Variants in FCRL4 observed in about 807,000 individuals in gnomAD.
The protein encoded by FCRL4 is Fc receptor like 4.
Under a neutral mutation model 64.1 loss-of-function variants are expected in FCRL4, and 43 were observed. The ratio of observed to expected loss-of-function variants is 0.67; its 90% CI spans 0.53 to 0.87. The LOEUF is 0.87. Among genes scored for constraint, FCRL4 ranks in the 40% least tolerant of loss-of-function variants. The pLI is 0.00. For synonymous variants in FCRL4, 253 were observed against 239.8 expected (o/e 1.05, Z -0.51); for missense variants, 656 against 613.5 (o/e 1.07, Z -0.73).
At position 157,596,341 on chromosome 1, in the gene FCRL4, G is replaced by C; in HGVS notation, c.39C>G (p.Val13=). The part of the protein sequence containing the change: ...LWASLLAFAP[V]CGQSAAAHKP... ...ATAAGGACTTACCAGATTGTCCACAGACTGGAGCTGAAAGAGAGTAAAGAG... is the reference window on the plus strand; with the variant it reads ...ATAAGGACTTACCAGATTGTCCACACACTGGAGCTGAAAGAGAGTAAAGAG... The change falls in exon 2 of 12, where the codon GTC becomes GTG. Residue 13 remains valine (V), a synonymous_variant. Coordinates refer to ENST00000271532, the MANE Select transcript of FCRL4 (RefSeq NM_031282.3). 1 of 1,613,998 alleles carries C rather than the reference G, an allele frequency of 6.2e-7. No homozygotes were observed. The highest frequency in any genetic ancestry group is 8.5e-7 in the Non-Finnish European group (1 of 1,179,946).
chr1:157,594,349 G>T (rs1285355117), intron 2 of FCRL4, among the ~76,000 whole-genome samples: 2 of 152,192 alleles, frequency 1.3e-5, no homozygotes, highest in African/African-American at 4.8e-5. Context: ...CACACTGGGT[G>T]CTCTTTGACA....
chr1:157,590,969 T>C (rs1011366873), intron 2 of FCRL4, among the ~76,000 whole-genome samples: 2 of 152,172 alleles, frequency 1.3e-5, no homozygotes, highest in Non-Finnish European at 2.9e-5. Flanking sequence ...TTTATTAACA[T>C]GTACAAGGAA....
chr1:157,584,241 G>A (rs1485634922), intron 6 of FCRL4, among the ~76,000 whole-genome samples: 1 of 152,072 alleles, frequency 6.6e-6, no homozygotes, highest in African/African-American at 2.4e-5. Context: ...GTCTTTCGAG[G>A]GAGCCCTTGG....
rs761950047 is a variant in FCRL4 at position 157,581,613 on chromosome 1, G to A, written c.1167C>T (p.Ala389=). The A allele has an allele frequency of 8.7e-6, 14 of 1,613,910 alleles. No homozygotes were observed. The highest frequency in any genetic ancestry group is 5.3e-5 in the African/African-American group (4 of 74,926). ...ETPGNRDGLV[A]AGATGGLLSA... is the part of the protein sequence containing the mutation. ...TGAGCAGCCCTCCAGTGGCTCCCGC[G>A]GCGACAAGGCCATCTCTGTTGCCTG... is the stretch of plus-strand genomic sequence containing the variant. The change falls in exon 7 of 12, where the codon GCC becomes GCT. Residue 389 remains alanine, a synonymous_variant. Coordinates refer to ENST00000271532, the MANE Select transcript of FCRL4 (RefSeq NM_031282.3).
intron 6 of FCRL4, 70 bp from the exon 7 acceptor site, chr1:157,581,714 T>C: frequency 2.4e-6 from 3 of 1,246,938 alleles, no homozygotes; most frequent in Non-Finnish European, 3.5e-6. Flanking sequence ...TTCCTCAGCT[T>C]GGTTGGGTAA....
chr1:157,586,204 G>T lies in FCRL4; in HGVS notation c.1099C>A (p.Pro367Thr). The T allele has an allele frequency of 6.2e-7, 1 of 1,613,810 alleles. No homozygotes were observed. Among genetic ancestry groups the T allele is most frequent in the Non-Finnish European group, 8.5e-7 (1 of 1,179,798 alleles). ...YYCTADNSYGPVQSMVLNVTV... is the reference protein window; with the variant it reads ...YYCTADNSYGTVQSMVLNVTV... Reference sequence around the variant, plus strand: ...ACATTCAGCACCATGCTCTGGACAGGGCCGTAGCTGTTGTCTGCTGTACAG... The same window carrying T: ...ACATTCAGCACCATGCTCTGGACAGTGCCGTAGCTGTTGTCTGCTGTACAG... The change falls in exon 6 of 12, where the codon CCT becomes ACT. Residue 367 changes from proline (P) to threonine (T), a missense_variant. By Grantham distance (38) the Pro-to-Thr change is conservative. Transcript: ENST00000271532.
rs144384020 is a variant in FCRL4 at position 157,579,085 on chromosome 1, G to C, written c.1278-233C>G. On this transcript the variant is annotated intron_variant, in intron 8 of 11. Coordinates refer to ENST00000271532, the MANE Select transcript of FCRL4 (RefSeq NM_031282.3). Reference sequence around the variant, plus strand: ...TATGGACAGGCTGCCTGGAAACAAGGTTAGGGAGTCTCTGACATCATCGTA... The same window carrying C: ...TATGGACAGGCTGCCTGGAAACAAGCTTAGGGAGTCTCTGACATCATCGTA... 2.0e-3 allele frequency among the ~76,000 whole-genome samples: 305 copies of C among 152,324 alleles called. 1 individual carries two copies. Among genetic ancestry groups the C allele is most frequent in the African/African-American group, 7.1e-3 (295 of 41,570 alleles).
chr1:157,575,619 G>C lies in FCRL4; in HGVS notation c.1462-9C>G. On this transcript the variant is annotated splice_polypyrimidine_tract_variant and intron_variant, in intron 11 of 11. Transcript: ENST00000271532. Reference sequence around the variant, plus strand: ...TAGACAACTGAGACATCCTGAAATGGAAGAAAGAAGTGGAAACCGAGAGGG... The same window carrying C: ...TAGACAACTGAGACATCCTGAAATGCAAGAAAGAAGTGGAAACCGAGAGGG... The C allele has an allele frequency of 6.2e-7, 1 of 1,613,392 alleles. No homozygotes were observed. Among genetic ancestry groups the C allele is most frequent in the Non-Finnish European group, 8.5e-7 (1 of 1,179,330 alleles).
rs1652698021 is a variant in FCRL4, at chr1:157,586,454, C to T, written c.849G>A (p.Arg283=). 1 of 1,602,716 alleles carries T rather than the reference C, an allele frequency of 6.2e-7. No homozygotes were observed. The highest frequency in any genetic ancestry group is 8.5e-7 in the Non-Finnish European group (1 of 1,176,068). ...CCAGGAGCACCCCAGACACAGGGAT[C>T]CCTATGTGAAAATGAGACCACAGGT... The part of the protein sequence containing the change: ...HSPSLQIHVQ[R]IPVSGVLLET... Residue 283 remains arginine (R), a splice_region_variant and synonymous_variant, in exon 6 of 12, where the codon CGG becomes CGA. Coordinates refer to ENST00000271532, the MANE Select transcript of FCRL4 (RefSeq NM_031282.3).
intron 7 of FCRL4, among the ~76,000 whole-genome samples, chr1:157,580,922 G>A (rs1424252910): frequency 1.3e-5 from 2 of 152,216 alleles, no homozygotes; most frequent in African/African-American, 4.8e-5. Flanking sequence ...AGCCTGAGGT[G>A]GGCTGAGGCA....
chr1:157,580,569 G>T, intron 7 of FCRL4: 1 of 533,510 alleles, frequency 1.9e-6, no homozygotes, highest in East Asian at 3.2e-5. Context: ...GTAATTGTCT[G>T]AGAATTTATT....
chr1:157,589,819 AG>A (rs1652798513), intron 2 of FCRL4, among the ~76,000 whole-genome samples: 1 of 152,160 alleles, frequency 6.6e-6, no homozygotes, highest in Non-Finnish European at 1.5e-5. Flanking sequence ...TTGTTGTTAC[AG>A]AGACCTCTCT....
At chr1:157,576,976 A>T (rs1289025706) in intron 10 of FCRL4, among the ~76,000 whole-genome samples, 1 of 152,192 alleles carries the variant, frequency 6.6e-6, no homozygotes, top group Admixed American at 6.6e-5. Flanking sequence ...AAATTCCTAG[A>T]TTTTAACTTC....
At chr1:157,585,402 CTTT>C in intron 6 of FCRL4, among the ~76,000 whole-genome samples, 1 of 116,534 alleles carries the variant, frequency 8.6e-6, no homozygotes, top group Non-Finnish European at 1.8e-5. Context: ...TTCCTTCTTT[CTTT>C]CTTTCTTTCT....
chr1:157,596,156 A>G (rs1219853240), intron 2 of FCRL4, among the ~76,000 whole-genome samples, 172 bp downstream of exon 2: 1 of 152,164 alleles, frequency 6.6e-6, no homozygotes, highest in Non-Finnish European at 1.5e-5. Flanking sequence ...AGTCACCCCC[A>G]AATAGCCTGG....
Position 157,589,354 on chromosome 1 carries a change from CT to C in FCRL4, c.156del (p.Glu53ArgfsTer15). Reference sequence around the variant, plus strand: ...TGCCGATGATACCATGTTGTTTTCTCTGTTGCATAGAACTGAAATCCATTGC... The same window carrying C: ...TGCCGATGATACCATGTTGTTTTCTCGTTGCATAGAACTGAAATCCATTGC... ...LTCNGFQFYA[T>X]EKTTWYHRHY... On this transcript the variant is annotated frameshift_variant, in exon 3 of 12. Coordinates refer to ENST00000271532, the MANE Select transcript of FCRL4 (RefSeq NM_031282.3). LOFTEE classifies it high-confidence loss of function. The C allele has an allele frequency of 6.2e-7, 1 of 1,614,198 alleles. No homozygotes were observed.
At chr1:157,595,632 G>A (rs1388776516) in intron 2 of FCRL4, among the ~76,000 whole-genome samples, 2 of 152,198 alleles carry the variant, frequency 1.3e-5, no homozygotes, top group African/African-American at 2.4e-5. Context: ...TTATAATCTT[G>A]TCTCAGGAAG....
intron 6 of FCRL4, among the ~76,000 whole-genome samples, chr1:157,584,169 C>G (rs964437438): frequency 1.9e-4 from 29 of 152,112 alleles, no homozygotes; most frequent in African/African-American, 6.3e-4. Context: ...AGAATAAGAG[C>G]CTTCCTGCAG....
At position 157,586,199 on chromosome 1, in the gene FCRL4, G is replaced by C. The variant is rs763596492; in HGVS notation, c.1104C>G (p.Val368=). 9 of 1,613,586 alleles carry C rather than the reference G, an allele frequency of 5.6e-6. No homozygotes were observed. In the South Asian group the frequency reaches 9.9e-5, roughly 18 times the overall value. Residue 368 remains valine (V), a synonymous_variant, in exon 6 of 12, where the codon GTC becomes GTG. Coordinates refer to ENST00000271532, the MANE Select transcript of FCRL4 (RefSeq NM_031282.3). ...CAGTGACATTCAGCACCATGCTCTG[G>C]ACAGGGCCGTAGCTGTTGTCTGCTG... ...YCTADNSYGP[V]QSMVLNVTVR...
Sources: allele counts gnomAD v4.1 joint callset (sites outside exome capture counted in the v4.1 genomes callset), GRCh38; gene constraint gnomAD v4.1.1; transcripts MANE v1.5; gene names NCBI Gene and HGNC (gene_info 2026-07-23, HGNC 2026-07-21).